The following DOCK1 variants were observed in gnomAD, a reference collection of about 807,000 sequenced individuals.
DOCK1 encodes dedicator of cytokinesis 1.
Under a neutral mutation model 262.7 loss-of-function variants are expected in DOCK1, and 138 were observed. The ratio of observed to expected loss-of-function variants is 0.53; its 90% CI spans 0.46 to 0.61. The LOEUF (loss-of-function observed/expected upper bound fraction) is 0.61, where lower values mean the gene tolerates loss of function less well. DOCK1 is among the 20% of genes least tolerant of loss of function. The pLI is 0.00. For synonymous variants in DOCK1, 866 were observed against 867.4 expected (o/e 1.00, Z 0.03); for missense variants, 1,908 against 2,370.7 (o/e 0.80, Z 4.05).
chr10:126,987,910 G>T (rs941323009), intron 5 of DOCK1, among the ~76,000 whole-genome samples: 5 of 152,112 alleles, frequency 3.3e-5, no homozygotes, highest in Non-Finnish European at 7.4e-5. Context: ...GTTGTTTCAG[G>T]CCCCTGGAAT....
Position 127,106,350 on chromosome 10 carries a change from C to T in DOCK1, c.2516+49C>T, listed in dbSNP as rs369525465. ...GCTTGTCACGTGCCGTGTGTGACCT[C>T]CTTCTCAGTGTGCTTAGTTTATGGG... On this transcript the variant is annotated intron_variant, in intron 24 of 51. Coordinates refer to ENST00000623213, the MANE Select transcript of DOCK1 (RefSeq NM_001290223.2). The T allele has an allele frequency of 3.2e-6, 5 of 1,552,562 alleles. No individual in the cohort carries two copies. The African/African-American group carries it at 6.8e-5, about 21-fold the overall frequency.
At chr10:127,261,031 G>T (rs2060046663) in intron 29 of DOCK1, among the ~76,000 whole-genome samples, 1 of 141,174 alleles carries the variant, frequency 7.1e-6, no homozygotes, top group South Asian at 2.3e-4. Flanking sequence ...GTGGGTGTCT[G>T]TATGTGTGTA....
intron 27 of DOCK1, among the ~76,000 whole-genome samples, chr10:127,150,083 G>C (rs1307429247): frequency 1.3e-5 from 2 of 152,314 alleles, no homozygotes; most frequent in East Asian, 3.9e-4. Context: ...CATGGATGTA[G>C]ATTTGTAAAG....
At chr10:126,922,986 G>A (rs938379712) in intron 1 of DOCK1, among the ~76,000 whole-genome samples, 1 of 152,150 alleles carries the variant, frequency 6.6e-6, no homozygotes, top group Non-Finnish European at 1.5e-5. Context: ...GTGCATGCTT[G>A]TAATCCCAGC....
rs2037601558 is a variant in DOCK1, at chr10:126,965,494, ATC to A, written c.47-5205_47-5204del. On this transcript the variant is annotated intron_variant, in intron 1 of 51. Coordinates refer to ENST00000623213, the MANE Select transcript of DOCK1 (RefSeq NM_001290223.2). Reference sequence around the variant, plus strand: ...GGAGAGAAGGGAAGACAGTCTGTACATCTCACCGAGGGGTGATGAAGTCTTGG... The same window carrying A: ...GGAGAGAAGGGAAGACAGTCTGTACATCACCGAGGGGTGATGAAGTCTTGG... Among the ~76,000 whole-genome samples, 3 of 152,166 alleles carry A rather than the reference ATC, an allele frequency of 2.0e-5. No individual in the cohort carries two copies. The South Asian group carries it at 6.2e-4, about 32-fold the overall frequency.
At chr10:127,431,330 A>G (rs895230062) in intron 47 of DOCK1, among the ~76,000 whole-genome samples, 2 of 152,232 alleles carry the variant, frequency 1.3e-5, no homozygotes, top group African/African-American at 4.8e-5. Context: ...CAGACCGCCC[A>G]GTAAACCCAT....
At chr10:126,930,428 G>A (rs1014440001) in intron 1 of DOCK1, among the ~76,000 whole-genome samples, 14 of 152,344 alleles carry the variant, frequency 9.2e-5, no homozygotes, top group African/African-American at 2.4e-4. Context: ...CCTGCACTAC[G>A]TGCTTCACTT....
intron 25 of DOCK1, among the ~76,000 whole-genome samples, chr10:127,117,950 G>T (rs186153948): frequency 1.3e-5 from 2 of 152,060 alleles, no homozygotes; most frequent in Non-Finnish European, 2.9e-5. Context: ...CTTTTCTTGG[G>T]CATAAACTCC....
At chr10:127,216,707 G>A (rs560364562) in intron 27 of DOCK1, among the ~76,000 whole-genome samples, 2 of 152,208 alleles carry the variant, frequency 1.3e-5, no homozygotes, top group East Asian at 1.9e-4. Context: ...GGAAACATAG[G>A]CATATCTCAA....
At chr10:127,224,191 G>C (rs527636536) in intron 27 of DOCK1, among the ~76,000 whole-genome samples, 1 of 152,218 alleles carries the variant, frequency 6.6e-6, no homozygotes, top group Admixed American at 6.5e-5. Context: ...TATTTAATAA[G>C]AAGAGATTCT....
At chr10:127,291,355 G>A (rs762837106) in intron 29 of DOCK1, among the ~76,000 whole-genome samples, 4 of 152,174 alleles carry the variant, frequency 2.6e-5, no homozygotes, top group Admixed American at 1.3e-4. Context: ...ATGGCCACTT[G>A]GCATTCTCAG....
chr10:127,378,442 C>T (rs2065643182), intron 35 of DOCK1, among the ~76,000 whole-genome samples: 2 of 152,034 alleles, frequency 1.3e-5, no homozygotes, highest in South Asian at 4.2e-4. Flanking sequence ...GCCCGCGGAG[C>T]CCAGGAGGAG....
At position 127,343,714 on chromosome 10, in the gene DOCK1, T is replaced by C; in HGVS notation, c.3192T>C (p.Phe1064=). 6.2e-7 allele frequency: 1 copy of C among 1,610,644 alleles called. No individual in the cohort carries two copies. Among genetic ancestry groups the C allele is most frequent in the South Asian group, 1.1e-5 (1 of 89,756 alleles). The change falls in exon 31 of 52, where the codon TTT becomes TTC. Residue 1064 remains phenylalanine, a synonymous_variant. Transcript: ENST00000623213. ...LTQESLQLEN[F]SSAKRAKILN... The stretch of plus-strand genomic sequence containing the variant: ...AAGAGTCCCTGCAACTGGAGAATTT[T>C]TCAAGTGCCAAGAGAGCCAAAATCC...
At chr10:127,379,445 G>A (rs1281246851) in intron 35 of DOCK1, among the ~76,000 whole-genome samples, 1 of 152,196 alleles carries the variant, frequency 6.6e-6, no homozygotes, top group Non-Finnish European at 1.5e-5. Flanking sequence ...AAAGTTCTGG[G>A]ATAATGGAAA....
chr10:127,031,568 G>T, intron 16 of DOCK1, 82 bp from the exon 17 acceptor site: 1 of 1,052,688 alleles, frequency 9.5e-7, no homozygotes, highest in African/African-American at 1.6e-5. Context: ...TTTCATAAAG[G>T]TAGCCTTTGT....
At chr10:127,011,054 G>T (rs1295468581) in intron 11 of DOCK1, among the ~76,000 whole-genome samples, 4 of 152,204 alleles carry the variant, frequency 2.6e-5, no homozygotes, top group Non-Finnish European at 5.9e-5. Context: ...GAGATTGCCT[G>T]TGCTTTGACG....
chr10:127,147,533 C>T (rs2052007146), intron 27 of DOCK1, among the ~76,000 whole-genome samples: 1 of 152,146 alleles, frequency 6.6e-6, no homozygotes, highest in Non-Finnish European at 1.5e-5. Flanking sequence ...CGCCAGAGCT[C>T]TGTCCTTACC....
At chr10:127,235,112 A>G (rs1241566777) in intron 27 of DOCK1, among the ~76,000 whole-genome samples, 1 of 150,228 alleles carries the variant, frequency 6.7e-6, no homozygotes, top group East Asian at 1.9e-4. Context: ...TGTATACTTT[A>G]AACATTATAT....
rs1192197543 is a variant in DOCK1, at chr10:126,929,741, C to T, written c.46+24178C>T. ...TGCGGGGAGGGGCAGGGGAAGCAGGCGGGAGGGCACTTCAGGGCACAGTTG... is the reference window on the plus strand; with the variant it reads ...TGCGGGGAGGGGCAGGGGAAGCAGGTGGGAGGGCACTTCAGGGCACAGTTG... On this transcript the variant is annotated intron_variant, in intron 1 of 51. Transcript: ENST00000623213. Among the ~76,000 whole-genome samples, 20 of 152,054 alleles carry T rather than the reference C, an allele frequency of 1.3e-4. No individual in the cohort carries two copies. In the South Asian group the frequency reaches 2.7e-3, roughly 21 times the overall value.
Sources: gnomAD v4.1 joint callset for allele counts (sites outside exome capture counted in the v4.1 genomes callset) on GRCh38, gnomAD v4.1.1 for gene constraint, MANE v1.5 for transcripts, NCBI Gene and HGNC (gene_info 2026-07-23, HGNC 2026-07-21) for gene names.